The following FAM98A variants were observed in gnomAD, a reference collection of about 807,000 sequenced individuals.
The protein encoded by FAM98A is tRNA splicing ligase complex subunit 3A.
FAM98A carries 25 observed loss-of-function variants against 62.9 expected under a neutral mutation model. The ratio of observed to expected loss-of-function variants is 0.40; its 90% CI spans 0.29 to 0.56. The LOEUF (loss-of-function observed/expected upper bound fraction) is 0.56. Ranked by LOEUF, FAM98A falls within the 20% of genes least tolerant of loss-of-function variation. The probability of loss-of-function intolerance (pLI) is 0.51; values close to 1 mark genes in which losing one functional copy is unlikely to be tolerated. For synonymous variants in FAM98A, 252 were observed against 228.6 expected (o/e 1.10, Z -0.92); for missense variants, 653 against 640.7 (o/e 1.02, Z -0.21).
intron 1 of FAM98A, among the ~76,000 whole-genome samples, chr2:33,596,692 C>A (rs567092738): frequency 6.6e-6 from 1 of 152,110 alleles, no homozygotes; most frequent in Admixed American, 6.5e-5. Context: ...GAGACCAAGA[C>A]GATCCTGGCT....
intron 2 of FAM98A, among the ~76,000 whole-genome samples, chr2:33,593,858 T>C (rs1018164091): frequency 6.6e-6 from 1 of 152,210 alleles, no homozygotes; most frequent in African/African-American, 2.4e-5. Context: ...TTCTGTATCA[T>C]GTTTCATTTG....
In FAM98A at chr2:33,599,273, A is replaced by C. The variant is rs763845446; in HGVS notation, c.-52T>G. On this transcript the variant is annotated 5_prime_UTR_variant, in exon 1 of 8. Transcript: ENST00000238823. ...TCGTCAGGCTCCCCTCTTCGCCGGC[A>C]ACGCGTACACTCGCGCATGCGCGAC... The C allele has an allele frequency of 3.4e-6, 5 of 1,483,236 alleles. No homozygotes were observed. The highest frequency in any genetic ancestry group is 1.7e-4 in the Middle Eastern group (1 of 5,798). The allele number at this position is 1,483,236 out of a possible 1,614,324, so 91.9% of individuals were successfully genotyped here. A position where few individuals can be genotyped will look rare whatever the true frequency, so the allele number is the denominator to read the frequency against.
chr2:33,597,956 C>G (rs892392746), intron 1 of FAM98A, among the ~76,000 whole-genome samples: 2 of 152,190 alleles, frequency 1.3e-5, no homozygotes, highest in South Asian at 4.1e-4. Flanking sequence ...GAGATGTCAA[C>G]TAAAGAGACT....
chr2:33,598,834 G>C (rs952847582), intron 1 of FAM98A, among the ~76,000 whole-genome samples: 3 of 152,142 alleles, frequency 2.0e-5, no homozygotes, highest in South Asian at 2.1e-4. Flanking sequence ...AGGGGTTAAG[G>C]GGTAGGGCAG....
In FAM98A at chr2:33,585,059, C is replaced by G. The variant is rs370504938; in HGVS notation, c.1274G>C (p.Gly425Ala). The G allele has an allele frequency of 4.3e-5, 70 of 1,614,054 alleles. No individual in the cohort carries two copies. The highest frequency in any genetic ancestry group is 5.7e-5 in the Non-Finnish European group (67 of 1,180,042). The change falls in exon 8 of 8, where the codon GGC becomes GCC. Residue 425 changes from glycine (G) to alanine (A), a missense_variant. Gly to Ala is a moderately conservative substitution (Grantham distance 60). Transcript: ENST00000238823. ...SGGYQGGGYG[G>A]FQTSSSYTGS... is the part of the protein sequence containing the mutation. ...TGTATATGAAGAAGATGTTTGGAAG[C>G]CACCATAACCTCCGCCTTGATAGCC...
intron 2 of FAM98A, among the ~76,000 whole-genome samples, chr2:33,592,562 G>A (rs560552023): frequency 6.6e-6 from 1 of 152,198 alleles, no homozygotes; most frequent in Non-Finnish European, 1.5e-5. Context: ...TAGAGACTAG[G>A]TCTCAGTATG....
intron 1 of FAM98A, among the ~76,000 whole-genome samples, chr2:33,595,889 CTAAAT>C (rs143812261): frequency 0.055 from 8,305 of 152,054 alleles, 497 homozygotes; most frequent in African/African-American, 0.16. Context: ...GCATATACTA[CTAAAT>C]TATGTCAACT....
chr2:33,587,374 A>C, intron 4 of FAM98A, 54 bp from the exon 5 acceptor site: 1 of 1,246,582 alleles, frequency 8.0e-7, no homozygotes, highest in Non-Finnish European at 1.2e-6. Flanking sequence ...AAACATCCTC[A>C]TCTTCCCAAT....
Position 33,592,114 on chromosome 2 carries a change from G to A in FAM98A, c.303C>T (p.Arg101=). 1 of 1,613,448 alleles carries A rather than the reference G, an allele frequency of 6.2e-7. No homozygotes were observed. Among genetic ancestry groups the A allele is most frequent in the Non-Finnish European group, 8.5e-7 (1 of 1,179,582 alleles). Residue 101 remains arginine, a synonymous_variant, in exon 3 of 8, where the codon CGC becomes CGT. Transcript: ENST00000238823. ...GGAGGCAGTTCTTCTGAATGAGAAG[G>A]CGCTTGGTCACATCCCCAGATGTCA... ...LSLTSGDVTK[R]LLIQKNCLLL...
chr2:33,585,749 A>G (rs1382273175), intron 6 of FAM98A, 52 bp from the exon 7 acceptor site: 12 of 1,498,838 alleles, frequency 8.0e-6, no homozygotes, highest in Non-Finnish European at 1.1e-5. Context: ...AAATGACATA[A>G]GAAACACATA....
chr2:33,595,475 G>T lies in FAM98A; in HGVS notation c.202+14C>A. On this transcript the variant is annotated intron_variant, in intron 2 of 7. Coordinates refer to ENST00000238823, the MANE Select transcript of FAM98A (RefSeq NM_015475.5). ...ATTTTTATACTTTGTACCTAAAAGTGAATGTTTACTTACTGTTAGTTGCTT... is the reference window on the plus strand; with the variant it reads ...ATTTTTATACTTTGTACCTAAAAGTTAATGTTTACTTACTGTTAGTTGCTT... The T allele has an allele frequency of 6.3e-7, 1 of 1,594,780 alleles. No individual in the cohort carries two copies. Among genetic ancestry groups the T allele is most frequent in the South Asian group, 1.1e-5 (1 of 88,690 alleles).
chr2:33,596,890 T>TC (rs1553373401), intron 1 of FAM98A, among the ~76,000 whole-genome samples: 1 of 24,804 alleles, frequency 4.0e-5, no homozygotes, highest in African/African-American at 2.7e-4. Flanking sequence ...AGACTCCGTA[T>TC]CAAAAAAAAA....
In FAM98A at chr2:33,585,199, C is replaced by T. The variant is rs1677514633; in HGVS notation, c.1134G>A (p.Lys378=). 1 of 1,613,996 alleles carries T rather than the reference C, an allele frequency of 6.2e-7. No homozygotes were observed. Among genetic ancestry groups the T allele is most frequent in the Non-Finnish European group, 8.5e-7 (1 of 1,180,024 alleles). ...CTCCATCTGTCCAGCCTCCTTGATG[C>T]TTATTTCCTCTTCCTCCCCCTCGGC... ...HGGRGGGRGN[K]HQGGWTDGGS... Residue 378 remains lysine (K), a synonymous_variant, in exon 8 of 8, where the codon AAG becomes AAA. Coordinates refer to ENST00000238823, the MANE Select transcript of FAM98A (RefSeq NM_015475.5).
At position 33,587,309 on chromosome 2, in the gene FAM98A, T is replaced by C. The variant is rs773487385; in HGVS notation, c.534A>G (p.Thr178=). ...FSGIEKKLKE[T]LAKVPPNHVG... is the part of the protein sequence containing the mutation. Reference sequence around the variant, plus strand: ...CATGATTAGGTGGAACTTTTGCTAATGTTTCCTTTAACTGACACAAAAACA... The same window carrying C: ...CATGATTAGGTGGAACTTTTGCTAACGTTTCCTTTAACTGACACAAAAACA... Residue 178 remains threonine, a synonymous_variant, in exon 5 of 8, where the codon ACA becomes ACG. Coordinates refer to ENST00000238823, the MANE Select transcript of FAM98A (RefSeq NM_015475.5). 6.8e-6 allele frequency: 11 copies of C among 1,612,584 alleles called. No homozygotes were observed. Among genetic ancestry groups the C allele is most frequent in the Non-Finnish European group, 8.5e-6 (10 of 1,178,806 alleles).
intron 2 of FAM98A, among the ~76,000 whole-genome samples, chr2:33,594,680 CACACATATATATACACATATATATAT>C (rs753473837): frequency 0.11 from 4,520 of 42,688 alleles, 910 homozygotes; most frequent in Middle Eastern, 0.15. Flanking sequence ...TATATATATA[CACACATATATATACACATATATATAT>C]ACACACACAC....
chr2:33,587,578 A>T, intron 4 of FAM98A: 1 of 438,916 alleles, frequency 2.3e-6, no homozygotes, highest in Non-Finnish European at 4.2e-6. Context: ...TGCTGAATGG[A>T]TGAATGAACA....
At chr2:33,591,276 A>C (rs1677666643) in intron 3 of FAM98A, among the ~76,000 whole-genome samples, 2 of 152,094 alleles carry the variant, frequency 1.3e-5, no homozygotes, top group South Asian at 4.1e-4. Context: ...AAAAACAAAG[A>C]TTTTAAAAAT....
intron 1 of FAM98A, among the ~76,000 whole-genome samples, chr2:33,598,274 C>T (rs1447555614): frequency 6.6e-6 from 1 of 152,196 alleles, no homozygotes; most frequent in Non-Finnish European, 1.5e-5. Context: ...CTTAGAAATA[C>T]AGCTAGCTAA....
chr2:33,598,725 G>C (rs1460946546), intron 1 of FAM98A, among the ~76,000 whole-genome samples: 3 of 152,160 alleles, frequency 2.0e-5, no homozygotes, highest in Non-Finnish European at 4.4e-5. Context: ...GAAATTTTGA[G>C]AGAAGTGGGG....
Sources: allele counts gnomAD v4.1 joint callset (sites outside exome capture counted in the v4.1 genomes callset), GRCh38; gene constraint gnomAD v4.1.1; transcripts MANE v1.5; gene names NCBI Gene and HGNC (gene_info 2026-07-23, HGNC 2026-07-21).